Variants in RABL2A observed in about 807,000 individuals in gnomAD.
RABL2A encodes the protein rab-like protein 2A.
In RABL2A, 17 loss-of-function variants were observed where a neutral mutation model predicts 30.7. The observed-to-expected ratio is 0.55, with a 90% CI of 0.38 to 0.83. RABL2A has a LOEUF of 0.83. Ranked by LOEUF, RABL2A falls within the 40% of genes least tolerant of loss-of-function variation. The pLI, the probability that RABL2A is intolerant of heterozygous loss-of-function variation, is 0.00. For synonymous variants in RABL2A, 64 were observed against 101.8 expected (o/e 0.63, Z 2.24); for missense variants, 155 against 272.6 (o/e 0.57, Z 3.04).
chr2:113,637,554 G>A, intron 5 of RABL2A: 1 of 1,204,454 alleles, frequency 8.3e-7, no homozygotes, highest in Non-Finnish European at 1.1e-6. Flanking sequence ...TTTGCAGATG[G>A]TAAAGGAAGG....
intron 1 of RABL2A, chr2:113,628,221 G>A: frequency 4.0e-6 from 1 of 250,874 alleles, no homozygotes; most frequent in Non-Finnish European, 7.3e-6. Flanking sequence ...TACATTCTCA[G>A]GAATGTCTGC....
At chr2:113,635,162 C>G (rs541042539) in intron 5 of RABL2A, 32 bp downstream of exon 5, 1 of 1,612,904 alleles carries the variant, frequency 6.2e-7, no homozygotes, top group Admixed American at 1.7e-5. Context: ...GACAAAGGCA[C>G]TGGGCAAGTC....
chr2:113,634,862 C>T (rs1272749170), intron 4 of RABL2A, among the ~76,000 whole-genome samples, 189 bp from the exon 5 acceptor site: 1 of 152,204 alleles, frequency 6.6e-6, no homozygotes, highest in Non-Finnish European at 1.5e-5. Flanking sequence ...GAAGACACAC[C>T]TCTCACATCA....
chr2:113,639,114 C>T (rs1473313373), intron 5 of RABL2A, among the ~76,000 whole-genome samples: 1 of 149,226 alleles, frequency 6.7e-6, no homozygotes, highest in Non-Finnish European at 1.5e-5. Context: ...GAGAGCTTAT[C>T]ATCTCTACAA....
At chr2:113,639,222 G>A (rs1684160065) in intron 5 of RABL2A, among the ~76,000 whole-genome samples, 1 of 152,096 alleles carries the variant, frequency 6.6e-6, no homozygotes, top group Admixed American at 6.5e-5. Flanking sequence ...AGGGGGTGGA[G>A]GAGCAGTAAG....
chr2:113,633,995 A>C (rs1681475648), intron 3 of RABL2A, 158 bp from the exon 4 acceptor site: 8 of 1,437,990 alleles, frequency 5.6e-6, no homozygotes. Flanking sequence ...TGGTATGTGA[A>C]GCTGATCCTC....
At chr2:113,639,073 G>A (rs547614146) in intron 5 of RABL2A, among the ~76,000 whole-genome samples, 100 of 151,882 alleles carry the variant, frequency 6.6e-4, no homozygotes, top group African/African-American at 2.1e-3. Context: ...ACTTGAGCCC[G>A]GGAGTCCAAG....
rs771408963 is a variant in RABL2A at position 113,634,249 on chromosome 2, C to T, written c.217+17C>T. The T allele has an allele frequency of 2.5e-6, 4 of 1,604,680 alleles. No homozygotes were observed. The highest frequency in any genetic ancestry group is 3.4e-6 in the Non-Finnish European group (4 of 1,175,342). ...TCCTTGTGGGTAAGTGGCACAGGGC[C>T]AAGACATGCTGACCCTCAGGAAAGA... On this transcript the variant is annotated intron_variant, in intron 4 of 8. Transcript: ENST00000683472.
At position 113,631,421 on chromosome 2, in the gene RABL2A, G is replaced by A. The variant is rs2747983; in HGVS notation, c.108-1494G>A. On this transcript the variant is annotated intron_variant, in intron 2 of 8. Coordinates refer to ENST00000683472, the MANE Select transcript of RABL2A (RefSeq NM_001306158.2). The stretch of plus-strand genomic sequence containing the variant: ...GATGGGGGAAACTTACAAGCAGAAA[G>A]GTCACACCATGTGACTCCCTGGGTC... Among the ~76,000 whole-genome samples the A allele has an allele frequency of 4.7e-3, 713 of 150,482 alleles. 14 individuals carry two copies. The highest frequency in any genetic ancestry group is 0.017 in the African/African-American group (680 of 40,854).
intron 4 of RABL2A, chr2:113,634,756 C>T (rs1316690316): frequency 1.9e-5 from 9 of 486,302 alleles, no homozygotes; most frequent in African/African-American, 3.9e-5. Flanking sequence ...CTGCGTGTCA[C>T]GTGGGAAACG....
At chr2:113,631,951 GCTGT>G (rs1428833806) in intron 2 of RABL2A, among the ~76,000 whole-genome samples, 1 of 138,164 alleles carries the variant, frequency 7.2e-6, no homozygotes, top group African/African-American at 3.1e-5. Flanking sequence ...TAGTAAGGGT[GCTGT>G]TTCTTTATAG....
chr2:113,638,801 G>A (rs1683951504), intron 5 of RABL2A, among the ~76,000 whole-genome samples: 1 of 151,898 alleles, frequency 6.6e-6, no homozygotes, highest in East Asian at 1.9e-4. Flanking sequence ...CAGGAGAATC[G>A]TTTGAACCCA....
At chr2:113,637,396 C>T (rs1219827053) in intron 5 of RABL2A, 3 of 1,051,690 alleles carry the variant, frequency 2.9e-6, no homozygotes, top group Non-Finnish European at 1.2e-6. Context: ...ATCCCTTCCA[C>T]AACATGGACT....
In RABL2A at chr2:113,636,242, C is replaced by CAAG. The variant is rs760214073; in HGVS notation, c.297+1113_297+1115dup. On this transcript the variant is annotated intron_variant, in intron 5 of 8. Transcript: ENST00000683472. Reference sequence around the variant, plus strand: ...CACTAAAACTTCTTGGAATAGCATTCAAGGTCTTGCTTTAACACAAAACCC... The same window carrying CAAG: ...CACTAAAACTTCTTGGAATAGCATTCAAGAAGGTCTTGCTTTAACACAAAACCC... Among the ~76,000 whole-genome samples the CAAG allele has an allele frequency of 1.9e-3, 289 of 152,318 alleles. 5 individuals are homozygous for CAAG. Among genetic ancestry groups the CAAG allele is most frequent in the Admixed American group, 5.2e-4 (8 of 15,294 alleles).
intron 5 of RABL2A, among the ~76,000 whole-genome samples, chr2:113,639,104 G>A (rs539056808): frequency 1.3e-5 from 2 of 151,838 alleles, no homozygotes; most frequent in South Asian, 4.2e-4. Context: ...TTAATATAAT[G>A]AGAGCTTATC....
chr2:113,637,172 G>A (rs1470254338), intron 5 of RABL2A: 1 of 161,040 alleles, frequency 6.2e-6, no homozygotes, highest in Non-Finnish European at 1.3e-5. Context: ...AATAGCAGAG[G>A]GGATGCAGAA....
At position 113,643,228 on chromosome 2, in the gene RABL2A, G is replaced by C. The variant is rs564428262; in HGVS notation, c.*1099G>C. The stretch of plus-strand genomic sequence containing the variant: ...CTTGTGCCTCCTGTGGGAGGCTGAG[G>C]ACTGCAAGAGGAGAGCTAGCAGATA... On this transcript the variant is annotated 3_prime_UTR_variant, in exon 9 of 9. Coordinates refer to ENST00000683472, the MANE Select transcript of RABL2A (RefSeq NM_001306158.2). The C allele has an allele frequency of 1.8e-4, 80 of 439,054 alleles. No homozygotes were observed. Among genetic ancestry groups the C allele is most frequent in the Admixed American group, 9.8e-4 (38 of 38,802 alleles). 27.2% of individuals were successfully genotyped at this position (439,054 alleles called of 1,614,324 possible).
intron 5 of RABL2A, among the ~76,000 whole-genome samples, chr2:113,639,854 TAA>T (rs1274429437): frequency 4.5e-4 from 50 of 110,058 alleles, no homozygotes; most frequent in Admixed American, 4.2e-4. Flanking sequence ...AGACTCCGTC[TAA>T]AAAAAAAAAA....
At chr2:113,629,152 GCTT>G (rs80028514) in intron 2 of RABL2A, among the ~76,000 whole-genome samples, 28,366 of 151,448 alleles carry the variant, frequency 0.19, 3,596 homozygotes, top group African/African-American at 0.36. Context: ...GTGAAGACTG[GCTT>G]CTTCTTGTAA....
Sources: gnomAD v4.1 joint callset for allele counts (sites outside exome capture counted in the v4.1 genomes callset) on GRCh38, gnomAD v4.1.1 for gene constraint, MANE v1.5 for transcripts, NCBI Gene and HGNC (gene_info 2026-07-23, HGNC 2026-07-21) for gene names.